Variants in GAS7 observed in about 807,000 individuals in gnomAD.
The protein encoded by GAS7 is growth arrest specific 7, also known as growth arrest-specific protein 7.
In GAS7, 28 loss-of-function variants were observed where a neutral mutation model predicts 71.1. That is an observed-to-expected ratio of 0.39 (90% confidence interval 0.29 to 0.54). The LOEUF (loss-of-function observed/expected upper bound fraction) is 0.54. Among genes scored for constraint, GAS7 ranks in the 20% least tolerant of loss-of-function variants. The probability of loss-of-function intolerance (pLI) is 0.62; values close to 1 mark genes in which losing one functional copy is unlikely to be tolerated. For synonymous variants in GAS7, 258 were observed against 245.8 expected (o/e 1.05, Z -0.46); for missense variants, 436 against 627.8 (o/e 0.69, Z 3.27).
chr17:10,100,006 C>A (rs2073683142), intron 1 of GAS7, among the ~76,000 whole-genome samples: 1 of 152,110 alleles, frequency 6.6e-6, no homozygotes, highest in Non-Finnish European at 1.5e-5. Flanking sequence ...CATAGAAGAT[C>A]AGGAATGGAA....
At chr17:9,999,656 CT>C (rs1426924674) in intron 2 of GAS7, among the ~76,000 whole-genome samples, 1 of 152,172 alleles carries the variant, frequency 6.6e-6, no homozygotes, top group Non-Finnish European at 1.5e-5. Context: ...CACTTGTAAA[CT>C]TGCTGGATTC....
intron 1 of GAS7, among the ~76,000 whole-genome samples, chr17:10,152,932 T>G (rs535290449): frequency 6.6e-6 from 1 of 150,530 alleles, no homozygotes; most frequent in East Asian, 2.0e-4. Flanking sequence ...GCACAGTGGC[T>G]CACACCTGTA....
chr17:10,157,578 T>C (rs1307819740), intron 1 of GAS7, among the ~76,000 whole-genome samples: 1 of 152,246 alleles, frequency 6.6e-6, no homozygotes, highest in Non-Finnish European at 1.5e-5. Flanking sequence ...CTGCCCAATT[T>C]TGGGCTGAGT....
intron 1 of GAS7, among the ~76,000 whole-genome samples, chr17:10,090,905 G>C (rs1184527862): frequency 6.6e-6 from 1 of 152,154 alleles, no homozygotes; most frequent in East Asian, 1.9e-4. Flanking sequence ...ATGCTGGAGA[G>C]CCGCTTGAAA....
At chr17:10,054,612 C>CG (rs2073110478) in intron 1 of GAS7, among the ~76,000 whole-genome samples, 1 of 152,308 alleles carries the variant, frequency 6.6e-6, no homozygotes, top group East Asian at 1.9e-4. Flanking sequence ...TTGTAACTGT[C>CG]GGGGGCCTTT....
chr17:10,160,164 C>G (rs2074240806), intron 1 of GAS7, among the ~76,000 whole-genome samples: 1 of 152,120 alleles, frequency 6.6e-6, no homozygotes, highest in Admixed American at 6.6e-5. Flanking sequence ...CCTCAGCCTC[C>G]CAAGGTGCTG....
At chr17:10,085,688 T>G (rs2073510057) in intron 1 of GAS7, among the ~76,000 whole-genome samples, 1 of 53,882 alleles carries the variant, frequency 1.9e-5, no homozygotes, top group African/African-American at 7.9e-5. Flanking sequence ...CGAGATTCCG[T>G]CTCAAAAAAA....
chr17:10,133,122 A>ATATATATATATATTTTT (rs1392845338), intron 1 of GAS7, among the ~76,000 whole-genome samples: 5 of 118,884 alleles, frequency 4.2e-5, no homozygotes, highest in African/African-American at 1.5e-4. Context: ...ATATTTTTAT[A>ATATATATATATATTTTT]TTTTTTTTTT....
intron 1 of GAS7, among the ~76,000 whole-genome samples, chr17:10,186,199 C>T (rs907210558): frequency 6.6e-5 from 10 of 151,552 alleles, no homozygotes; most frequent in African/African-American, 2.4e-4. Flanking sequence ...TCTTGTGATC[C>T]GCCTGCCTCG....
At chr17:10,115,280 CG>C (rs1555534412) in intron 1 of GAS7, among the ~76,000 whole-genome samples, 1 of 152,184 alleles carries the variant, frequency 6.6e-6, no homozygotes, top group Non-Finnish European at 1.5e-5. Context: ...GGACCAGGGA[CG>C]GAAGGAGGGA....
rs548411563 is a variant in GAS7 at position 10,004,257 on chromosome 17, T to G, written c.304+15520A>C. ...GCAAGAAGCCATCCAAGTGGTTAAT[T>G]AGAGCCCAGCACAGGGAAGGTATTT... is the stretch of plus-strand genomic sequence containing the variant. On this transcript the variant is annotated intron_variant, in intron 2 of 13. Coordinates refer to ENST00000432992, the MANE Select transcript of GAS7 (RefSeq NM_201433.2). Among the ~76,000 whole-genome samples, 3 of 152,344 alleles carry G rather than the reference T, an allele frequency of 2.0e-5. No homozygotes were observed. In the South Asian group the frequency reaches 6.2e-4, roughly 32 times the overall value.
chr17:10,004,455 C>T (rs892676770), intron 2 of GAS7, among the ~76,000 whole-genome samples: 1 of 152,092 alleles, frequency 6.6e-6, no homozygotes, highest in African/African-American at 2.4e-5. Context: ...TCCCTGTAGC[C>T]CAAAACTTCC....
chr17:9,998,935 G>C (rs1360021671), intron 2 of GAS7, among the ~76,000 whole-genome samples: 1 of 152,156 alleles, frequency 6.6e-6, no homozygotes, highest in Non-Finnish European at 1.5e-5. Flanking sequence ...CCTGTAAATG[G>C]CAAACACAGG....
intron 1 of GAS7, among the ~76,000 whole-genome samples, chr17:10,181,026 C>A (rs1414910848): frequency 7.2e-6 from 1 of 138,170 alleles, no homozygotes; most frequent in Non-Finnish European, 1.5e-5. Context: ...GTTAAGGGGT[C>A]TAGAATAAGG....
At chr17:9,944,446 T>C (rs1372082569) in intron 6 of GAS7, among the ~76,000 whole-genome samples, 3 of 152,176 alleles carry the variant, frequency 2.0e-5, no homozygotes, top group African/African-American at 7.2e-5. Context: ...TCCTAGGTAG[T>C]ATCTCCCCGG....
chr17:9,918,410 A>G (rs1435662056), intron 12 of GAS7, among the ~76,000 whole-genome samples: 1 of 152,224 alleles, frequency 6.6e-6, no homozygotes. Flanking sequence ...CAAGCAAGGG[A>G]ACTGGGGAAC....
At chr17:9,948,009 T>A (rs765934892) in intron 5 of GAS7, among the ~76,000 whole-genome samples, 17 of 152,228 alleles carry the variant, frequency 1.1e-4, no homozygotes, top group Non-Finnish European at 1.6e-4. Flanking sequence ...TTCTTGTTTA[T>A]AATTGTCTTA....
At chr17:9,930,588 A>G (rs2068174010) in intron 9 of GAS7, among the ~76,000 whole-genome samples, 1 of 152,178 alleles carries the variant, frequency 6.6e-6, no homozygotes, top group African/African-American at 2.4e-5. Context: ...TTCTTTAGCA[A>G]TCTGTTGCTA....
At chr17:10,143,667 G>A (rs2074100720) in intron 1 of GAS7, among the ~76,000 whole-genome samples, 2 of 152,214 alleles carry the variant, frequency 1.3e-5, no homozygotes, top group Admixed American at 6.5e-5. Context: ...GATACAGACA[G>A]GTACAGAGGG....
Sources: gnomAD v4.1 joint callset for allele counts (sites outside exome capture counted in the v4.1 genomes callset) on GRCh38, gnomAD v4.1.1 for gene constraint, MANE v1.5 for transcripts, NCBI Gene and HGNC (gene_info 2026-07-23, HGNC 2026-07-21) for gene names.